DPH6: variants seen among roughly 807,000 people sequenced by gnomAD.
The protein encoded by DPH6 is diphthine--ammonia ligase.
Under a neutral mutation model 38.2 loss-of-function variants are expected in DPH6, and 33 were observed. That is an observed-to-expected ratio of 0.86 (90% CI 0.65 to 1.15). The LOEUF (loss-of-function observed/expected upper bound fraction) is 1.15, where lower values mean the gene tolerates loss of function less well. DPH6 is among the 50% of genes most tolerant of loss of function. DPH6 has a pLI of 0.00. For synonymous variants in DPH6, 108 were observed against 103.0 expected (o/e 1.05, Z -0.30); for missense variants, 325 against 320.0 (o/e 1.02, Z -0.12).
chr15:35,444,366 T>C (rs996595594), intron 5 of DPH6, among the ~76,000 whole-genome samples: 1 of 152,016 alleles, frequency 6.6e-6, no homozygotes, highest in Admixed American at 6.6e-5. Flanking sequence ...AAATTCCCTT[T>C]TTATCTGTGA....
intron 3 of DPH6, among the ~76,000 whole-genome samples, chr15:35,232,133 G>C (rs540915364): frequency 5.3e-5 from 8 of 152,148 alleles, no homozygotes; most frequent in Non-Finnish European, 5.9e-5. Flanking sequence ...GCTGTTATTC[G>C]TAATGACAAG....
chr15:35,515,590 G>A (rs1203617356), intron 3 of DPH6, among the ~76,000 whole-genome samples: 8 of 151,820 alleles, frequency 5.3e-5, no homozygotes, highest in Admixed American at 2.6e-4. Context: ...GCACGGTGGC[G>A]GGCGCCTGTA....
intron 3 of DPH6, among the ~76,000 whole-genome samples, chr15:35,496,013 C>A (rs1428811632): frequency 6.6e-6 from 1 of 152,044 alleles, no homozygotes; most frequent in African/African-American, 2.4e-5. Context: ...AAAATGAATC[C>A]TTACTCTTAG....
At chr15:35,447,295 G>A (rs1380058329) in intron 5 of DPH6, among the ~76,000 whole-genome samples, 2 of 152,136 alleles carry the variant, frequency 1.3e-5, no homozygotes, top group Admixed American at 6.5e-5. Context: ...TAGCAAGAAT[G>A]GAGTAGCTTG....
At chr15:35,355,682 G>A (rs2052553711) in intron 3 of DPH6, among the ~76,000 whole-genome samples, 1 of 152,164 alleles carries the variant, frequency 6.6e-6, no homozygotes, top group African/African-American at 2.4e-5. Context: ...TCCCCTTGTG[G>A]GTAACCCAAC....
chr15:35,281,573 A>G (rs2051899749), intron 3 of DPH6, among the ~76,000 whole-genome samples: 1 of 152,200 alleles, frequency 6.6e-6, no homozygotes. Context: ...AGCTTTTAAC[A>G]AAGTCATGAC....
At chr15:35,462,411 C>G (rs2054076944) in intron 3 of DPH6, among the ~76,000 whole-genome samples, 1 of 151,066 alleles carries the variant, frequency 6.6e-6, no homozygotes, top group African/African-American at 2.5e-5. Context: ...TGCCTGGACT[C>G]TGCCAACCTC....
chr15:35,223,278 A>G (rs1405721119), intron 3 of DPH6, among the ~76,000 whole-genome samples: 1 of 152,192 alleles, frequency 6.6e-6, no homozygotes, highest in Non-Finnish European at 1.5e-5. Context: ...AGAAAGGCAA[A>G]TCTACTCTCC....
chr15:35,317,659 C>A (rs2052205025), intron 3 of DPH6, among the ~76,000 whole-genome samples: 1 of 148,428 alleles, frequency 6.7e-6, no homozygotes, highest in Non-Finnish European at 1.5e-5. Context: ...TGAAATATGA[C>A]AGAAAGAATA....
chr15:35,488,755 T>C (rs16961080), intron 3 of DPH6, among the ~76,000 whole-genome samples: 14,119 of 152,066 alleles, frequency 0.093, 900 homozygotes, highest in African/African-American at 0.18. Flanking sequence ...TATGAGGCTA[T>C]AAAAGAGACG....
At chr15:35,296,412 G>C (rs561248235) in intron 3 of DPH6, among the ~76,000 whole-genome samples, 20 of 152,008 alleles carry the variant, frequency 1.3e-4, no homozygotes, top group Admixed American at 9.8e-4. Flanking sequence ...ATCTCTTTCA[G>C]ACCTCCAATT....
At chr15:35,523,694 G>C (rs1022295199) in intron 3 of DPH6, among the ~76,000 whole-genome samples, 1 of 151,972 alleles carries the variant, frequency 6.6e-6, no homozygotes, top group African/African-American at 2.4e-5. Flanking sequence ...ACTAAAATTG[G>C]AATTGCTTTA....
chr15:35,370,289 A>G (rs911228283), downstream of DPH6, among the ~76,000 whole-genome samples: 2 of 151,738 alleles, frequency 1.3e-5, no homozygotes, highest in Non-Finnish European at 3.0e-5. Context: ...ATGATTTTAC[A>G]GATAGATATA....
At chr15:35,395,497 G>A (rs949411580) in intron 6 of DPH6, among the ~76,000 whole-genome samples, 3 of 152,098 alleles carry the variant, frequency 2.0e-5, no homozygotes, top group East Asian at 1.9e-4. Context: ...CCCACATAAC[G>A]TATTCTTACT....
chr15:35,310,181 A>AT (rs1250076173), intron 3 of DPH6, among the ~76,000 whole-genome samples: 30 of 152,332 alleles, frequency 2.0e-4, no homozygotes, highest in African/African-American at 7.2e-4. Context: ...GAGAATGGAT[A>AT]TTCTTTAGGG....
chr15:35,422,068 T>C (rs1369016683), intron 5 of DPH6, among the ~76,000 whole-genome samples: 1 of 152,002 alleles, frequency 6.6e-6, no homozygotes, highest in African/African-American at 2.4e-5. Context: ...CTCAGGTTTT[T>C]GGCTTTGAGC....
At chr15:35,319,551 G>C (rs1469425547) in intron 3 of DPH6, among the ~76,000 whole-genome samples, 3 of 152,046 alleles carry the variant, frequency 2.0e-5, no homozygotes, top group African/African-American at 4.8e-5. Flanking sequence ...GACCAGGCTG[G>C]CCAACGTGGA....
At chr15:35,540,797 TA>T (rs1469491215) in intron 2 of DPH6, among the ~76,000 whole-genome samples, 1 of 152,094 alleles carries the variant, frequency 6.6e-6, no homozygotes, top group Non-Finnish European at 1.5e-5. Context: ...CTGTACTAGG[TA>T]AGTAAAATAA....
At position 35,436,478 on chromosome 15, in the gene DPH6, C is replaced by CAAACAA. The variant is rs1247449769; in HGVS notation, c.505+14206_505+14207insTTGTTT. 9.3e-4 allele frequency among the ~76,000 whole-genome samples: 57 copies of CAAACAA among 61,222 alleles called. 1 individual carries two copies. Among genetic ancestry groups the CAAACAA allele is most frequent in the African/African-American group, 2.7e-3 (48 of 18,048 alleles). 40.2% of individuals were successfully genotyped at this position (61,222 alleles called of 152,430 possible). On this transcript the variant is annotated intron_variant, in intron 5 of 8. Transcript: ENST00000256538. ...GAGACTCCGTCTCAAACAAAACAAA[C>CAAACAA]AAAAACAAAACAAAACAAAACAAAA...
Sources: allele counts gnomAD v4.1 joint callset (sites outside exome capture counted in the v4.1 genomes callset), GRCh38; gene constraint gnomAD v4.1.1; transcripts MANE v1.5; gene names NCBI Gene and HGNC (gene_info 2026-07-23, HGNC 2026-07-21).